The following ZNF274 variants were observed in gnomAD, a reference collection of about 807,000 sequenced individuals.
ZNF274 encodes the protein neurotrophin receptor-interacting factor homolog.
Under a neutral mutation model 42.5 loss-of-function variants are expected in ZNF274, and 23 were observed. The observed-to-expected ratio is 0.54, with a 90% CI of 0.39 to 0.77. ZNF274 has a LOEUF of 0.77. Ranked by LOEUF, ZNF274 falls within the 30% of genes least tolerant of loss-of-function variation. ZNF274 has a pLI of 0.00. For missense variants in ZNF274, 679 were observed against 806.5 expected, an observed-to-expected ratio of 0.84 and a Z score of 1.91; for synonymous variants, 292 against 305.4, an observed-to-expected ratio of 0.96 and a Z score of 0.46.
intron 2 of ZNF274, 71 bp downstream of exon 2, chr19:58,184,069 C>T: frequency 6.6e-7 from 1 of 1,518,836 alleles, no homozygotes; most frequent in Non-Finnish European, 9.0e-7. Flanking sequence ...TGGTGAGATA[C>T]CACCTTCCCT....
Position 58,211,404 on chromosome 19 carries a change from G to T in ZNF274, c.853-156G>T. The T allele has an allele frequency of 3.2e-6, 3 of 928,974 alleles. No homozygotes were observed. The highest frequency in any genetic ancestry group is 2.8e-5 in the East Asian group (1 of 35,836). The allele number at this position is 928,974 out of a possible 1,614,324, so 57.5% of individuals were successfully genotyped here. ...CTGGTTTGGACCCAGTAGAACTCTTGTGGGCCCTGGGTTGGTGTCTCTGAG... is the reference window on the plus strand; with the variant it reads ...CTGGTTTGGACCCAGTAGAACTCTTTTGGGCCCTGGGTTGGTGTCTCTGAG... On this transcript the variant is annotated intron_variant, in intron 6 of 7. Transcript: ENST00000617501. The surrounding 1 kb of genome is among the most constrained non-coding windows in gnomAD (Gnocchi z 4.8).
chr19:58,213,150 A>G lies in ZNF274; in HGVS notation c.*7A>G. On this transcript the variant is annotated 3_prime_UTR_variant, in exon 8 of 8. Coordinates refer to ENST00000617501, the MANE Select transcript of ZNF274 (RefSeq NM_133502.3). ...GAAACAGCCTACCTCATAGCTCTCA[A>G]GCCAGTTGAAGAAACCTTGCCTTTT... The G allele has an allele frequency of 1.3e-6, 2 of 1,594,936 alleles. No individual in the cohort carries two copies. The highest frequency in any genetic ancestry group is 8.5e-7 in the Non-Finnish European group (1 of 1,169,870).
chr19:58,183,817 C>T, intron 1 of ZNF274, 104 bp from the exon 2 acceptor site: 1 of 732,204 alleles, frequency 1.4e-6, no homozygotes, highest in East Asian at 2.8e-5. Flanking sequence ...TTTGGGTGGA[C>T]TTGTCATTTC....
intron 2 of ZNF274, 134 bp from the exon 3 acceptor site, chr19:58,185,578 G>A (rs2075687960): frequency 2.1e-6 from 2 of 965,636 alleles, no homozygotes; most frequent in Non-Finnish European, 1.4e-6. Context: ...AGGAACTCAG[G>A]ATGAGACTCC....
chr19:58,196,294 C>T (rs1485176455), intron 4 of ZNF274, among the ~76,000 whole-genome samples: 1 of 152,224 alleles, frequency 6.6e-6, no homozygotes, highest in Non-Finnish European at 1.5e-5. Context: ...GGCACGGCGG[C>T]TCATGCCTGT....
rs1232283742 is a variant in ZNF274 at position 58,213,151 on chromosome 19, G to A, written c.*8G>A. The stretch of plus-strand genomic sequence containing the variant: ...AAACAGCCTACCTCATAGCTCTCAA[G>A]CCAGTTGAAGAAACCTTGCCTTTTC... On this transcript the variant is annotated 3_prime_UTR_variant, in exon 8 of 8. Transcript: ENST00000617501. 4 of 1,594,560 alleles carry A rather than the reference G, an allele frequency of 2.5e-6. No homozygotes were observed. The highest frequency in any genetic ancestry group is 3.4e-6 in the Non-Finnish European group (4 of 1,169,718).
chr19:58,199,191 C>T (rs1005805108), intron 4 of ZNF274, among the ~76,000 whole-genome samples: 1 of 151,700 alleles, frequency 6.6e-6, no homozygotes, highest in Non-Finnish European at 1.5e-5. Flanking sequence ...CATGTCAAAA[C>T]CCTGTCTCTA....
At chr19:58,201,909 G>A (rs749961183) in intron 4 of ZNF274, among the ~76,000 whole-genome samples, 4 of 152,150 alleles carry the variant, frequency 2.6e-5, no homozygotes, top group East Asian at 1.9e-4. Context: ...ACTGAGTAAC[G>A]TAAAGATGAT....
rs981928305 is a variant in ZNF274 at position 58,213,394 on chromosome 19, A to G, written c.*251A>G. The G allele has an allele frequency of 1.2e-5, 5 of 428,620 alleles. No individual in the cohort carries two copies. Among genetic ancestry groups the G allele is most frequent in the Non-Finnish European group, 2.0e-5 (5 of 246,094 alleles). 26.6% of individuals were successfully genotyped at this position (428,620 alleles called of 1,614,324 possible). A position where few individuals can be genotyped will look rare whatever the true frequency, so the allele number is the denominator to read the frequency against. On this transcript the variant is annotated 3_prime_UTR_variant, in exon 8 of 8. Coordinates refer to ENST00000617501, the MANE Select transcript of ZNF274 (RefSeq NM_133502.3). ...ATATTGTTTGTTCACTCATTTAGTC[A>G]TTAAAAGTGAGATTAATAAAATCTG... is the stretch of plus-strand genomic sequence containing the variant.
Position 58,188,692 on chromosome 19 carries a change from ATG to A in ZNF274, c.256+1652_256+1653del, listed in dbSNP as rs1254882579. Among the ~76,000 whole-genome samples the A allele has an allele frequency of 2.6e-3, 181 of 68,514 alleles. 1 individual carries two copies. The highest frequency in any genetic ancestry group is 0.01 in the African/African-American group (172 of 16,456). 44.9% of individuals were successfully genotyped at this position (68,514 alleles called of 152,430 possible). A position where few individuals can be genotyped will look rare whatever the true frequency, so the allele number is the denominator to read the frequency against. On this transcript the variant is annotated intron_variant, in intron 4 of 7. Coordinates refer to ENST00000617501, the MANE Select transcript of ZNF274 (RefSeq NM_133502.3). ...TGTGTGTGTGTATATATATATGTATATGTATATATATATATATATATATATAT... is the reference window on the plus strand; with the variant it reads ...TGTGTGTGTGTATATATATATGTATATATATATATATATATATATATATAT...
intron 4 of ZNF274, among the ~76,000 whole-genome samples, chr19:58,188,674 G>GTGTGTATATATATGTATA (rs1428824255): frequency 1.2e-5 from 1 of 84,906 alleles, no homozygotes; most frequent in Non-Finnish European, 2.0e-5. Flanking sequence ...GTGTGTGTGT[G>GTGTGTATATATATGTATA]TGTATATATA....
intron 4 of ZNF274, among the ~76,000 whole-genome samples, chr19:58,189,354 G>A (rs1352163184): frequency 6.6e-6 from 1 of 152,116 alleles, no homozygotes; most frequent in Non-Finnish European, 1.5e-5. Context: ...GAACTGCTGC[G>A]CTCAAGCAGT....
chr19:58,209,933 A>G, intron 5 of ZNF274, 28 bp from the exon 6 acceptor site: 1 of 1,575,918 alleles, frequency 6.3e-7, no homozygotes, highest in Non-Finnish European at 8.7e-7. Flanking sequence ...ACACCTGCTG[A>G]CCTCCTCTGG....
chr19:58,187,116 G>A (rs1014426791), intron 4 of ZNF274, 74 bp downstream of exon 4: 6 of 1,323,524 alleles, frequency 4.5e-6, no homozygotes, highest in Non-Finnish European at 6.4e-6. Context: ...TCTTGGAAAA[G>A]CAGTAGACAT....
intron 3 of ZNF274, 36 bp from the exon 4 acceptor site, chr19:58,186,911 G>A (rs2075706700): frequency 6.3e-7 from 1 of 1,580,218 alleles, no homozygotes; most frequent in East Asian, 2.2e-5. Context: ...CCTGAACACA[G>A]ACCCCCACAA....
At position 58,207,126 on chromosome 19, in the gene ZNF274, G is replaced by A. The variant is rs1050372246; in HGVS notation, c.663G>A (p.Val221=). The change falls in exon 5 of 8, where the codon GTG becomes GTA. Residue 221 remains valine, a synonymous_variant. Transcript: ENST00000617501. The surrounding 1 kb of genome is among the most constrained non-coding windows in gnomAD (Gnocchi z 5.6). Reference sequence around the variant, plus strand: ...TGCCTGTGAAGCTCCGGACATGGGTGGAATCGCAGCACCCAGAGAACTGCC... The same window carrying A: ...TGCCTGTGAAGCTCCGGACATGGGTAGAATCGCAGCACCCAGAGAACTGCC... The part of the protein sequence containing the change: ...GALPVKLRTW[V]ESQHPENCQE... The A allele has an allele frequency of 3.1e-6, 5 of 1,613,586 alleles. No individual in the cohort carries two copies. The highest frequency in any genetic ancestry group is 3.3e-4 in the Middle Eastern group (2 of 6,036).
chr19:58,207,102 G>A lies in ZNF274; in HGVS notation c.639G>A (p.Leu213=). ...TGCTGGAGCAGTTCCTAGGTGCACTGCCTGTGAAGCTCCGGACATGGGTGG... is the reference window on the plus strand; with the variant it reads ...TGCTGGAGCAGTTCCTAGGTGCACTACCTGTGAAGCTCCGGACATGGGTGG... ...LLVLEQFLGA[L]PVKLRTWVES... is the part of the protein sequence containing the mutation. The change falls in exon 5 of 8, where the codon CTG becomes CTA. Residue 213 remains leucine, a synonymous_variant. Transcript: ENST00000617501. The surrounding 1 kb of genome is among the most constrained non-coding windows in gnomAD (Gnocchi z 5.6). The A allele has an allele frequency of 6.2e-7, 1 of 1,613,924 alleles. No homozygotes were observed. The highest frequency in any genetic ancestry group is 8.5e-7 in the Non-Finnish European group (1 of 1,179,932).
chr19:58,199,712 CAAAA>C (rs1468436568), intron 4 of ZNF274, among the ~76,000 whole-genome samples: 3 of 152,024 alleles, frequency 2.0e-5, no homozygotes, highest in Admixed American at 6.6e-5. Flanking sequence ...GATTCCATCT[CAAAA>C]AGAAAGAAAA....
Position 58,183,300 on chromosome 19 carries a change from G to C in ZNF274, c.-188G>C, listed in dbSNP as rs143254039. ...CCTGCTGTCCCCGGCTTCGCCTGCC[G>C]CCCCTAACCGGCCAGTCAAGATGGC... On this transcript the variant is annotated 5_prime_UTR_variant, in exon 1 of 8. Transcript: ENST00000617501. The C allele has an allele frequency of 6.6e-6, 1 of 152,326 alleles. No homozygotes were observed. The highest frequency in any genetic ancestry group is 2.4e-5 in the African/African-American group (1 of 41,464). 9.4% of individuals were successfully genotyped at this position (152,326 alleles called of 1,614,324 possible). A position where few individuals can be genotyped will look rare whatever the true frequency, so the allele number is the denominator to read the frequency against.
Sources: gnomAD v4.1 joint callset for allele counts (sites outside exome capture counted in the v4.1 genomes callset) on GRCh38, gnomAD v4.1.1 for gene constraint, Gnocchi (gnomAD v3.1) non-coding constraint, MANE v1.5 for transcripts, NCBI Gene and HGNC (gene_info 2026-07-23, HGNC 2026-07-21) for gene names.